Variants in PCDH9 observed in about 807,000 individuals in gnomAD.
The protein encoded by PCDH9 is protocadherin-9.
Under a neutral mutation model 70.6 loss-of-function variants are expected in PCDH9, and 24 were observed. The observed-to-expected ratio is 0.34, with a 90% CI of 0.25 to 0.48. PCDH9 has a LOEUF of 0.48. Ranked by LOEUF, PCDH9 falls within the 20% of genes least tolerant of loss-of-function variation. The pLI is 0.99. For synonymous variants in PCDH9, 562 were observed against 558.5 expected, an observed-to-expected ratio of 1.01 and a Z score of -0.09; for missense variants, 1,281 against 1,503.6, an observed-to-expected ratio of 0.85 and a Z score of 2.45.
At chr13:66,756,424 T>G (rs1594014607) in intron 3 of PCDH9, among the ~76,000 whole-genome samples, 1 of 152,170 alleles carries the variant, frequency 6.6e-6, no homozygotes, top group African/African-American at 2.4e-5. Context: ...GACACACCAC[T>G]GTTTACAATT....
chr13:66,530,970 G>GTGTTT (rs771996465), intron 4 of PCDH9, among the ~76,000 whole-genome samples: 26 of 152,032 alleles, frequency 1.7e-4, no homozygotes, highest in Non-Finnish European at 3.4e-4. Context: ...AAGGGAGTCT[G>GTGTTT]TGTTTTGTTT....
intron 4 of PCDH9, among the ~76,000 whole-genome samples, chr13:66,344,290 C>A (rs1956179041): frequency 6.6e-6 from 1 of 151,458 alleles, no homozygotes; most frequent in African/African-American, 2.4e-5. Context: ...CCACGCCCAG[C>A]TAATTTTTTG....
At chr13:66,407,655 T>C (rs1957302195) in intron 4 of PCDH9, among the ~76,000 whole-genome samples, 1 of 152,160 alleles carries the variant, frequency 6.6e-6, no homozygotes, top group African/African-American at 2.4e-5. Flanking sequence ...TTTAACTCAT[T>C]ATAAAATATT....
intron 2 of PCDH9, among the ~76,000 whole-genome samples, chr13:67,197,236 G>A (rs1362012545): frequency 6.6e-6 from 1 of 151,852 alleles, no homozygotes; most frequent in Non-Finnish European, 1.5e-5. Context: ...TCAATAAAAA[G>A]CATTTCATCA....
chr13:66,498,112 G>A (rs761839034), intron 4 of PCDH9, among the ~76,000 whole-genome samples: 8 of 151,324 alleles, frequency 5.3e-5, no homozygotes, highest in African/African-American at 1.7e-4. Context: ...GAGCCACCAC[G>A]CCCAGCCCAA....
chr13:66,417,428 T>C (rs1034843645), intron 4 of PCDH9, among the ~76,000 whole-genome samples: 7 of 152,208 alleles, frequency 4.6e-5, no homozygotes, highest in Non-Finnish European at 1.0e-4. Flanking sequence ...AGTCTAACAT[T>C]GATGGGGATT....
intron 4 of PCDH9, among the ~76,000 whole-genome samples, chr13:66,423,554 T>C (rs559711871): frequency 4.6e-5 from 7 of 152,168 alleles, no homozygotes; most frequent in African/African-American, 1.4e-4. Context: ...ATCCATCACA[T>C]AAACAGAACC....
At position 67,226,959 on chromosome 13, in the gene PCDH9, T is replaced by G; in HGVS notation, c.1482A>C (p.Thr494=). The G allele has an allele frequency of 1.2e-6, 2 of 1,614,250 alleles. No homozygotes were observed. Among genetic ancestry groups the G allele is most frequent in the South Asian group, 2.2e-5 (2 of 91,088 alleles). The change falls in exon 2 of 5, where the codon ACA becomes ACC. Residue 494 remains threonine, a synonymous_variant. Transcript: ENST00000377865. The surrounding 1 kb of genome is among the most constrained non-coding windows in gnomAD (Gnocchi z 5.0). ...RGLYLTTISA[T]DEDSGKNADI... The stretch of plus-strand genomic sequence containing the variant: ...CTGCATTTTTCCCACTGTCTTCATC[T>G]GTGGCACTAATAGTTGTTAAGTATA...
chr13:66,993,958 C>G (rs2084055201), intron 2 of PCDH9, among the ~76,000 whole-genome samples: 1 of 151,744 alleles, frequency 6.6e-6, no homozygotes, highest in Admixed American at 6.6e-5. Context: ...GAGAATTTAA[C>G]ATGGGGAATT....
At chr13:66,494,422 T>C (rs1959082087) in intron 4 of PCDH9, among the ~76,000 whole-genome samples, 2 of 152,182 alleles carry the variant, frequency 1.3e-5, no homozygotes, top group South Asian at 4.1e-4. Context: ...GCAAATCTAA[T>C]GGAGGTAGCT....
chr13:66,711,595 A>G (rs1388567227), intron 3 of PCDH9, among the ~76,000 whole-genome samples: 1 of 152,156 alleles, frequency 6.6e-6, no homozygotes, highest in Non-Finnish European at 1.5e-5. Context: ...CATGTTTTAC[A>G]CATAAAAGAT....
At position 67,228,533 on chromosome 13, in the gene PCDH9, C is replaced by G; in HGVS notation, c.-93G>C. On this transcript the variant is annotated 5_prime_UTR_variant, in exon 2 of 5. Coordinates refer to ENST00000377865, the MANE Select transcript of PCDH9 (RefSeq NM_203487.3). The stretch of plus-strand genomic sequence containing the variant: ...AATTGCAAGAGGAAGCGTGCATGGA[C>G]TGGAGGATGCATTATATCTCATCAC... 1 of 989,670 alleles carries G rather than the reference C, an allele frequency of 1.0e-6. No individual in the cohort carries two copies. Among genetic ancestry groups the G allele is most frequent in the South Asian group, 1.8e-5 (1 of 56,584 alleles). 61.3% of individuals were successfully genotyped at this position (989,670 alleles called of 1,614,324 possible). A position where few individuals can be genotyped will look rare whatever the true frequency, so the allele number is the denominator to read the frequency against.
rs535079056 is a variant in PCDH9 at position 67,228,075 on chromosome 13, G to A, written c.366C>T (p.Phe122=). 43 of 1,614,084 alleles carry A rather than the reference G, an allele frequency of 2.7e-5. No individual in the cohort carries two copies. In the African/African-American group the frequency reaches 3.7e-4, roughly 14 times the overall value. ...ELEVVILPND[F]FRLIKIKIIV... is the part of the protein sequence containing the mutation. ...TTATTTTTATTTTGATCAGCCTGAA[G>A]AAATCATTGGGGAGGATCACCACCT... Residue 122 remains phenylalanine, a synonymous_variant, in exon 2 of 5, where the codon TTC becomes TTT. Coordinates refer to ENST00000377865, the MANE Select transcript of PCDH9 (RefSeq NM_203487.3).
chr13:67,053,659 C>A (rs557193851), intron 2 of PCDH9, among the ~76,000 whole-genome samples: 1 of 152,114 alleles, frequency 6.6e-6, no homozygotes, highest in South Asian at 2.1e-4. Flanking sequence ...ATACGAAATA[C>A]CTTTGTGATT....
At chr13:66,603,662 T>C (rs2077188753) in intron 4 of PCDH9, among the ~76,000 whole-genome samples, 2 of 151,994 alleles carry the variant, frequency 1.3e-5, no homozygotes, top group Non-Finnish European at 2.9e-5. Flanking sequence ...CATGTGGAGA[T>C]ATGACACTTA....
intron 3 of PCDH9, among the ~76,000 whole-genome samples, chr13:66,650,121 T>G (rs184526440): frequency 1.9e-4 from 28 of 150,906 alleles, no homozygotes; most frequent in Admixed American, 1.6e-3. Flanking sequence ...ATGGCAGGAG[T>G]AAATCTTTAC....
At chr13:66,774,475 G>T (rs778327358) in intron 3 of PCDH9, among the ~76,000 whole-genome samples, 3 of 152,088 alleles carry the variant, frequency 2.0e-5, no homozygotes, top group Non-Finnish European at 4.4e-5. Context: ...ACTCTGGAGG[G>T]AACTCATCAG....
intron 4 of PCDH9, among the ~76,000 whole-genome samples, chr13:66,318,522 A>G (rs886351304): frequency 6.6e-6 from 1 of 152,186 alleles, no homozygotes; most frequent in African/African-American, 2.4e-5. Flanking sequence ...TATGCTTTTC[A>G]ATAATCTTTA....
At chr13:67,123,420 T>G in intron 2 of PCDH9, among the ~76,000 whole-genome samples, 1 of 152,220 alleles carries the variant, frequency 6.6e-6, no homozygotes, top group East Asian at 1.9e-4. Context: ...CAAAGAAAGA[T>G]ACTTCCTTCC....
Sources: gnomAD v4.1 joint callset for allele counts (sites outside exome capture counted in the v4.1 genomes callset) on GRCh38, gnomAD v4.1.1 for gene constraint, Gnocchi (gnomAD v3.1) non-coding constraint, MANE v1.5 for transcripts, NCBI Gene and HGNC (gene_info 2026-07-23, HGNC 2026-07-21) for gene names.